Variants in TRPM3 observed in about 807,000 individuals in gnomAD.
TRPM3 encodes transient receptor potential cation channel subfamily M member 3.
A neutral mutation model predicts 181.2 loss-of-function variants in TRPM3; 77 were observed. The observed-to-expected ratio is 0.42, with a 90% CI of 0.35 to 0.51. The LOEUF is 0.51. Among genes scored for constraint, TRPM3 ranks in the 20% least tolerant of loss-of-function variants. TRPM3 has a pLI of 0.01. For synonymous variants in TRPM3, 745 were observed against 796.4 expected (o/e 0.94, Z 1.09); for missense variants, 1,759 against 2,196.7 (o/e 0.80, Z 3.98).
rs1352185902 is a variant in TRPM3, at chr9:71,178,302, T to G, written c.183+268351A>C. On this transcript the variant is annotated intron_variant, in intron 1 of 24. Transcript: ENST00000357533. ...ATAAACTCAATATGTTTTGTTTTAT[T>G]ATAAACATAAATATTTTCCATAGTA... is the stretch of plus-strand genomic sequence containing the variant. 5.3e-5 allele frequency among the ~76,000 whole-genome samples: 8 copies of G among 152,174 alleles called. 1 individual carries two copies. Among genetic ancestry groups the G allele is most frequent in the Admixed American group, 5.2e-4 (8 of 15,256 alleles).
intron 1 of TRPM3, among the ~76,000 whole-genome samples, chr9:71,241,324 C>T (rs1266987445): frequency 6.6e-6 from 1 of 152,072 alleles, no homozygotes; most frequent in Admixed American, 6.6e-5. Flanking sequence ...TGGTCCTGGC[C>T]TTTCTTAACT....
rs149556118 is a variant in TRPM3, at chr9:70,806,364, C to T, written c.973+21483G>A. 2.0e-3 allele frequency among the ~76,000 whole-genome samples: 309 copies of T among 152,232 alleles called. 1 individual carries two copies. The highest frequency in any genetic ancestry group is 4.0e-3 in the Non-Finnish European group (273 of 67,996). ...GTTTTCCTCATTTGCCTCAGGGGCT[C>T]ATGATCCTGAGCTGGGATCTTAAGG... On this transcript the variant is annotated intron_variant, in intron 6 of 25. Coordinates refer to ENST00000677713, the MANE Select transcript of TRPM3 (RefSeq NM_001366145.2).
intron 6 of TRPM3, among the ~76,000 whole-genome samples, chr9:70,810,759 C>G (rs1385820961): frequency 1.3e-5 from 2 of 152,032 alleles, no homozygotes; most frequent in South Asian, 2.1e-4. Flanking sequence ...AGGTTTGCAC[C>G]CAGCTGTGCC....
intron 1 of TRPM3, among the ~76,000 whole-genome samples, chr9:71,156,241 T>C (rs2075993171): frequency 6.6e-6 from 1 of 152,032 alleles, no homozygotes; most frequent in Non-Finnish European, 1.5e-5. Context: ...TTTCCTGGTT[T>C]GAATACTAAC....
At chr9:71,060,567 T>G (rs555009542) in intron 1 of TRPM3, among the ~76,000 whole-genome samples, 2 of 152,282 alleles carry the variant, frequency 1.3e-5, no homozygotes, top group East Asian at 3.9e-4. Context: ...TAACCCTATG[T>G]GGAAACCTTT....
At chr9:70,612,025 G>C (rs2062069320) in intron 18 of TRPM3, among the ~76,000 whole-genome samples, 1 of 152,168 alleles carries the variant, frequency 6.6e-6, no homozygotes, top group Non-Finnish European at 1.5e-5. Flanking sequence ...TTCTTTAACT[G>C]TAAAATGAGG....
chr9:70,570,564 C>T (rs1038061761), intron 22 of TRPM3, among the ~76,000 whole-genome samples: 1 of 152,132 alleles, frequency 6.6e-6, no homozygotes, highest in African/African-American at 2.4e-5. Context: ...CTGCCTTGGC[C>T]TCCCAAGGAT....
chr9:71,360,184 T>C (rs1223191266), intron 1 of TRPM3, among the ~76,000 whole-genome samples: 6 of 152,178 alleles, frequency 3.9e-5, no homozygotes, highest in East Asian at 1.9e-4. Flanking sequence ...TCAAAGCTCC[T>C]ACTGGATTAC....
chr9:70,630,359 C>T (rs1196988210), intron 12 of TRPM3, among the ~76,000 whole-genome samples: 1 of 152,240 alleles, frequency 6.6e-6, no homozygotes, highest in Non-Finnish European at 1.5e-5. Context: ...GCCAAAGACC[C>T]TGTTCAGAGC....
At chr9:70,962,568 G>C (rs1213343081) in intron 1 of TRPM3, among the ~76,000 whole-genome samples, 1 of 152,134 alleles carries the variant, frequency 6.6e-6, no homozygotes, top group Non-Finnish European at 1.5e-5. Flanking sequence ...ATCCATGAAA[G>C]ATATGTTCCA....
intron 1 of TRPM3, among the ~76,000 whole-genome samples, chr9:71,436,927 A>C (rs986872262): frequency 5.3e-5 from 8 of 152,240 alleles, no homozygotes; most frequent in Admixed American, 5.2e-4. Flanking sequence ...CTGAAAGCAG[A>C]ATCTTTAATA....
intron 1 of TRPM3, among the ~76,000 whole-genome samples, chr9:70,993,794 AAAAAAAAAAAAGAAAG>A (rs1236431274): frequency 1.6e-3 from 201 of 128,354 alleles, no homozygotes; most frequent in African/African-American, 5.1e-3. Flanking sequence ...CAAAAAAAAA[AAAAAAAAAAAAGAAAG>A]AAAGAAAGAA....
chr9:70,901,637 C>A (rs2096388243), intron 1 of TRPM3, among the ~76,000 whole-genome samples: 1 of 151,728 alleles, frequency 6.6e-6, no homozygotes, highest in African/African-American at 2.4e-5. Flanking sequence ...TTTAAGCATT[C>A]AAAAATCAAA....
At chr9:71,327,538 T>C (rs1028307918) in intron 1 of TRPM3, among the ~76,000 whole-genome samples, 52 of 152,140 alleles carry the variant, frequency 3.4e-4, no homozygotes, top group African/African-American at 1.2e-3. Context: ...GAGATTAACC[T>C]AGGAACAGGG....
chr9:71,428,298 G>T (rs74647708), intron 1 of TRPM3, among the ~76,000 whole-genome samples: 19 of 144,446 alleles, frequency 1.3e-4, no homozygotes. Context: ...GTTTCACCAA[G>T]TTGGCCAGGC....
chr9:70,621,363 T>G, intron 14 of TRPM3, 90 bp from the exon 15 acceptor site: 1 of 949,642 alleles, frequency 1.1e-6, no homozygotes, highest in Non-Finnish European at 1.5e-6. Flanking sequence ...TTTTTTGTTT[T>G]GTTTTGTTTT....
At chr9:70,629,984 GA>G (rs1377390414) in intron 12 of TRPM3, among the ~76,000 whole-genome samples, 1 of 152,194 alleles carries the variant, frequency 6.6e-6, no homozygotes. Context: ...CTCTGAGGGG[GA>G]TGGCAGCCTC....
chr9:70,836,923 G>T (rs117122568), intron 5 of TRPM3, among the ~76,000 whole-genome samples: 1,782 of 152,216 alleles, frequency 0.012, 25 homozygotes, highest in Non-Finnish European at 0.018. Context: ...AAATCAACAT[G>T]CCCAGATCCA....
intron 1 of TRPM3, among the ~76,000 whole-genome samples, chr9:70,994,723 C>T (rs1455247033): frequency 6.6e-6 from 1 of 152,188 alleles, no homozygotes; most frequent in African/African-American, 2.4e-5. Flanking sequence ...AAATATAAAT[C>T]ACTGCTCTTT....
Sources: allele counts gnomAD v4.1 joint callset (sites outside exome capture counted in the v4.1 genomes callset), GRCh38; gene constraint gnomAD v4.1.1; transcripts MANE v1.5; gene names NCBI Gene and HGNC (gene_info 2026-07-23, HGNC 2026-07-21).